The following MAGI2 variants were observed in gnomAD, a reference collection of about 807,000 sequenced individuals.
The protein encoded by MAGI2 is membrane-associated guanylate kinase, WW and PDZ domain-containing protein 2.
In MAGI2, 35 loss-of-function variants were observed where a neutral mutation model predicts 133.3. That is an observed-to-expected ratio of 0.26 (90% confidence interval 0.20 to 0.35). The LOEUF is 0.35. MAGI2 is among the 10% of genes least tolerant of loss of function. The probability of loss-of-function intolerance (pLI) is 1.00; values close to 1 mark genes in which losing one functional copy is unlikely to be tolerated. For synonymous variants in MAGI2, 729 were observed against 710.6 expected, an observed-to-expected ratio of 1.03 and a Z score of -0.41; for missense variants, 1,636 against 1,863.4, an observed-to-expected ratio of 0.88 and a Z score of 2.25.
chr7:78,720,224 T>C (rs541308631), intron 2 of MAGI2, among the ~76,000 whole-genome samples: 1 of 152,242 alleles, frequency 6.6e-6, no homozygotes, highest in East Asian at 1.9e-4. Flanking sequence ...AGTACTGACA[T>C]CTGATAAGTA....
intron 2 of MAGI2, among the ~76,000 whole-genome samples, chr7:78,659,529 T>C (rs1372308013): frequency 6.9e-6 from 1 of 145,312 alleles, no homozygotes; most frequent in Non-Finnish European, 1.5e-5. Context: ...TGAAAAAAAC[T>C]GAACCCCAAA....
intron 2 of MAGI2, among the ~76,000 whole-genome samples, chr7:78,769,681 G>T (rs148566231): frequency 2.1e-4 from 32 of 152,304 alleles, no homozygotes; most frequent in African/African-American, 7.2e-4. Context: ...AGGTTCACAA[G>T]AAAATGTCAG....
At position 78,950,185 on chromosome 7, in the gene MAGI2, T is replaced by A. The variant is rs577720387; in HGVS notation, c.418+56905A>T. Among the ~76,000 whole-genome samples the A allele has an allele frequency of 5.3e-5, 8 of 152,294 alleles. No individual in the cohort carries two copies. In the South Asian group the frequency reaches 1.7e-3, roughly 32 times the overall value. On this transcript the variant is annotated intron_variant, in intron 2 of 21. Transcript: ENST00000354212. ...CAGCTGGCTGCTCATCTTATCTTATTGGTGATTCACCTAATACATTTGTTG... is the reference window on the plus strand; with the variant it reads ...CAGCTGGCTGCTCATCTTATCTTATAGGTGATTCACCTAATACATTTGTTG...
chr7:78,387,151 A>T (rs1795459774), intron 6 of MAGI2, among the ~76,000 whole-genome samples: 1 of 152,192 alleles, frequency 6.6e-6, no homozygotes, highest in Non-Finnish European at 1.5e-5. Flanking sequence ...TTAAGCAGAC[A>T]TTTATTTTAG....
Position 78,127,322 on chromosome 7 carries a change from G to T in MAGI2, c.3298C>A (p.Gln1100Lys). 1 of 1,611,556 alleles carries T rather than the reference G, an allele frequency of 6.2e-7. No homozygotes were observed. The highest frequency in any genetic ancestry group is 8.5e-7 in the Non-Finnish European group (1 of 1,179,492). The stretch of plus-strand genomic sequence containing the variant: ...TGCTGGTAGTCCCCTCCTGGGGGTT[G>T]CCTGTAATCCAGCGGGGGCTGCCTG... Reference protein sequence around the residue: ...DYRQPPLDYRQPPGGDYQQPP... With the variant: ...DYRQPPLDYRKPPGGDYQQPP... The change falls in exon 19 of 22, where the codon CAA becomes AAA. Residue 1100 changes from glutamine (Q) to lysine (K), a missense_variant. Around this residue, in one of 5 missense-constraint regions of MAGI2, gnomAD observed 920 missense variants for 1,093.5 expected, o/e 0.84. Transcript: ENST00000354212.
chr7:78,758,038 C>T (rs1389459471), intron 2 of MAGI2, among the ~76,000 whole-genome samples: 1 of 152,146 alleles, frequency 6.6e-6, no homozygotes, highest in Admixed American at 6.6e-5. Flanking sequence ...TCTCTCACTT[C>T]TCTTAACACT....
intron 20 of MAGI2, among the ~76,000 whole-genome samples, chr7:78,116,681 C>T (rs1350417267): frequency 6.6e-6 from 1 of 151,948 alleles, no homozygotes; most frequent in Non-Finnish European, 1.5e-5. Flanking sequence ...AAGTTTGAGA[C>T]CAGCCTAGGC....
chr7:79,394,299 A>G (rs1018364310), intron 1 of MAGI2, among the ~76,000 whole-genome samples: 2 of 152,216 alleles, frequency 1.3e-5, no homozygotes, highest in East Asian at 3.8e-4. Context: ...TCAACTGGAA[A>G]AAGAGCTTGG....
chr7:79,034,889 A>G (rs1376902758), intron 1 of MAGI2, among the ~76,000 whole-genome samples: 3 of 152,228 alleles, frequency 2.0e-5, no homozygotes, highest in Admixed American at 1.3e-4. Flanking sequence ...CTAATTTTGT[A>G]TTAACTTCAA....
In MAGI2 at chr7:78,472,746, C is replaced by T. The variant is rs573078181; in HGVS notation, c.1045+17015G>A. ...TGAATTCCCAAGTTGCACAATAATG[C>T]TAAGTGCATCATCCTAAACATATGC... On this transcript the variant is annotated intron_variant, in intron 6 of 21. Coordinates refer to ENST00000354212, the MANE Select transcript of MAGI2 (RefSeq NM_012301.4). Among the ~76,000 whole-genome samples the T allele has an allele frequency of 3.3e-5, 5 of 152,226 alleles. No homozygotes were observed. The South Asian group carries it at 1.0e-3, about 32-fold the overall frequency.
intron 9 of MAGI2, among the ~76,000 whole-genome samples, chr7:78,267,003 T>C (rs911273950): frequency 6.6e-5 from 10 of 152,178 alleles, no homozygotes; most frequent in African/African-American, 2.4e-4. Flanking sequence ...ACACTGGGTG[T>C]TGCAGGATGT....
intron 2 of MAGI2, among the ~76,000 whole-genome samples, chr7:78,695,975 G>C (rs1263123590): frequency 6.6e-6 from 1 of 151,912 alleles, no homozygotes; most frequent in African/African-American, 2.4e-5. Context: ...TTGCTCTGCT[G>C]CCCAGGTTGA....
At chr7:79,211,880 G>A (rs1325506615) in intron 1 of MAGI2, among the ~76,000 whole-genome samples, 6 of 151,990 alleles carry the variant, frequency 3.9e-5, no homozygotes, top group Non-Finnish European at 5.9e-5. Flanking sequence ...TGAGCATGAT[G>A]AGTTTAAGCC....
intron 13 of MAGI2, among the ~76,000 whole-genome samples, chr7:78,182,637 C>A (rs909631367): frequency 1.3e-5 from 2 of 152,182 alleles, no homozygotes; most frequent in Non-Finnish European, 2.9e-5. Context: ...CTACTGCACT[C>A]TTTAAGGTCA....
intron 1 of MAGI2, among the ~76,000 whole-genome samples, chr7:79,017,904 T>C (rs1422897306): frequency 6.6e-6 from 1 of 151,536 alleles, no homozygotes; most frequent in Admixed American, 6.6e-5. Flanking sequence ...ACAAGGAAAA[T>C]AAATAAAGCC....
chr7:78,917,385 T>A (rs1433901281), intron 2 of MAGI2, among the ~76,000 whole-genome samples: 1 of 151,832 alleles, frequency 6.6e-6, no homozygotes, highest in Non-Finnish European at 1.5e-5. Context: ...CAGGTAAGGG[T>A]TGAATGTGGT....
At chr7:78,424,287 CTGCAGG>C (rs1304133506) in intron 6 of MAGI2, among the ~76,000 whole-genome samples, 8 of 152,174 alleles carry the variant, frequency 5.3e-5, no homozygotes. Context: ...GGCATTGAGC[CTGCAGG>C]TGCACAGAAG....
chr7:78,250,468 C>T (rs1473980025), intron 10 of MAGI2, among the ~76,000 whole-genome samples: 1 of 151,886 alleles, frequency 6.6e-6, no homozygotes, highest in East Asian at 1.9e-4. Flanking sequence ...TCTAAGCTTC[C>T]ACCTCAAGAA....
Position 78,474,491 on chromosome 7 carries a change from G to A in MAGI2, c.1045+15270C>T, listed in dbSNP as rs533085905. On this transcript the variant is annotated intron_variant, in intron 6 of 21. Coordinates refer to ENST00000354212, the MANE Select transcript of MAGI2 (RefSeq NM_012301.4). ...GGATTATAACAAATTAAATATAATA[G>A]TGATTGAGGATTGCCAAGCCCTATA... is the stretch of plus-strand genomic sequence containing the variant. 2.3e-3 allele frequency among the ~76,000 whole-genome samples: 344 copies of A among 152,092 alleles called. 4 individuals carry two copies. Among genetic ancestry groups the A allele is most frequent in the African/African-American group, 7.3e-3 (302 of 41,532 alleles).
Sources: allele counts gnomAD v4.1 joint callset (sites outside exome capture counted in the v4.1 genomes callset), GRCh38; gene constraint gnomAD v4.1.1; regional missense constraint gnomAD v4.1.1; transcripts MANE v1.5; gene names NCBI Gene and HGNC (gene_info 2026-07-23, HGNC 2026-07-21).